The following RNF150 variants were observed in gnomAD, a reference collection of about 807,000 sequenced individuals.
RNF150 encodes ring finger protein 150.
RNF150 carries 24 observed loss-of-function variants against 39.3 expected under a neutral mutation model. The ratio of observed to expected loss-of-function variants is 0.61; its 90% CI spans 0.44 to 0.86. The LOEUF (loss-of-function observed/expected upper bound fraction) is 0.86, where lower values mean the gene tolerates loss of function less well. RNF150 is among the 40% of genes least tolerant of loss of function. RNF150 has a pLI of 0.00. For missense variants in RNF150, 502 were observed against 587.8 expected, an observed-to-expected ratio of 0.85 and a Z score of 1.51; for synonymous variants, 255 against 227.3, an observed-to-expected ratio of 1.12 and a Z score of -1.10.
At chr4:141,003,463 A>C (rs1208979256) in intron 1 of RNF150, among the ~76,000 whole-genome samples, 1 of 152,050 alleles carries the variant, frequency 6.6e-6, no homozygotes, top group Non-Finnish European at 1.5e-5. Flanking sequence ...AAGAACATAA[A>C]TGGCTTCTAC....
intron 1 of RNF150, among the ~76,000 whole-genome samples, chr4:141,089,934 A>C (rs1274359448): frequency 1.3e-5 from 2 of 152,204 alleles, no homozygotes; most frequent in Non-Finnish European, 2.9e-5. Context: ...CATCATATTT[A>C]TAGATGACAA....
chr4:141,047,256 C>G (rs191001894), intron 1 of RNF150, among the ~76,000 whole-genome samples: 1 of 152,202 alleles, frequency 6.6e-6, no homozygotes, highest in East Asian at 1.9e-4. Flanking sequence ...TATGTTAAAA[C>G]GCTATGACAG....
chr4:141,014,305 G>A (rs372885492), intron 1 of RNF150, among the ~76,000 whole-genome samples: 1 of 152,180 alleles, frequency 6.6e-6, no homozygotes, highest in East Asian at 1.9e-4. Context: ...ATGAACATAG[G>A]AGTGCAGATA....
intron 6 of RNF150, among the ~76,000 whole-genome samples, chr4:140,904,588 G>A (rs933823468): frequency 6.6e-6 from 1 of 152,218 alleles, no homozygotes; most frequent in African/African-American, 2.4e-5. Flanking sequence ...TGATCTAAAT[G>A]TATTTATTTC....
intron 1 of RNF150, among the ~76,000 whole-genome samples, chr4:141,033,868 C>A (rs571313511): frequency 5.9e-5 from 9 of 152,152 alleles, no homozygotes; most frequent in Non-Finnish European, 8.8e-5. Context: ...ACAGATACAC[C>A]ATCATCCATG....
intron 1 of RNF150, among the ~76,000 whole-genome samples, chr4:141,008,850 C>T (rs1734962579): frequency 7.7e-6 from 1 of 129,762 alleles, no homozygotes; most frequent in Non-Finnish European, 1.7e-5. Context: ...CTTCCTTCTC[C>T]TTCTTCTTCT....
At chr4:141,145,886 T>C (rs180777147) in intron 1 of RNF150, among the ~76,000 whole-genome samples, 1 of 152,234 alleles carries the variant, frequency 6.6e-6, no homozygotes, top group East Asian at 1.9e-4. Context: ...AGGAGTCAGG[T>C]TGTGTCTCAG....
chr4:141,090,677 T>G lies in RNF150; in HGVS notation c.484+41648A>C, dbSNP rs142245778. 2.0e-5 allele frequency among the ~76,000 whole-genome samples: 3 copies of G among 152,188 alleles called. No homozygotes were observed. The East Asian group carries it at 5.8e-4, about 29-fold the overall frequency. On this transcript the variant is annotated intron_variant, in intron 1 of 6. Transcript: ENST00000515673. Reference sequence around the variant, plus strand: ...TTCATGGCCTCAGATGGCTACAGGGTCTATAAATGTAGGGAGTAAGTCAAG... The same window carrying G: ...TTCATGGCCTCAGATGGCTACAGGGGCTATAAATGTAGGGAGTAAGTCAAG...
intron 1 of RNF150, among the ~76,000 whole-genome samples, chr4:141,107,371 C>T (rs535504718): frequency 3.0e-4 from 46 of 152,306 alleles, no homozygotes; most frequent in African/African-American, 1.0e-3. Context: ...CCTATTATTA[C>T]TATTATTTGC....
At chr4:140,937,863 A>G (rs1024215211) in intron 4 of RNF150, among the ~76,000 whole-genome samples, 1 of 152,190 alleles carries the variant, frequency 6.6e-6, no homozygotes, top group African/African-American at 2.4e-5. Context: ...AGATTGACCA[A>G]TTCATAACAT....
chr4:141,132,863 T>A lies in RNF150; in HGVS notation c.-55A>T. ...CCGCGCCCTCCCTCCGTCCCGTCCC[T>A]CCTCCCCAGCCCCGGCCAACCCCGG... is the stretch of plus-strand genomic sequence containing the variant. On this transcript the variant is annotated 5_prime_UTR_variant, in exon 1 of 7. Coordinates refer to ENST00000515673, the MANE Select transcript of RNF150 (RefSeq NM_020724.2). This position sits in a 1 kb window ranked among gnomAD's most constrained non-coding sequence, Gnocchi z 4.9. 6.9e-7 allele frequency: 1 copy of A among 1,457,910 alleles called. No individual in the cohort carries two copies. Among genetic ancestry groups the A allele is most frequent in the South Asian group, 1.2e-5 (1 of 83,978 alleles). 90.3% of individuals were successfully genotyped at this position (1,457,910 alleles called of 1,614,324 possible).
At chr4:141,056,028 T>G (rs745652262) in intron 1 of RNF150, among the ~76,000 whole-genome samples, 3 of 152,202 alleles carry the variant, frequency 2.0e-5, no homozygotes, top group African/African-American at 4.8e-5. Context: ...GGTGTTCCTC[T>G]CTTTACATCA....
intron 6 of RNF150, among the ~76,000 whole-genome samples, chr4:140,884,115 T>C (rs1434650765): frequency 1.3e-5 from 2 of 152,188 alleles, no homozygotes; most frequent in African/African-American, 4.8e-5. Flanking sequence ...TCTTCAACTC[T>C]TGAATTTCTG....
In RNF150 at chr4:140,860,561, G is replaced by T. The variant is rs1728445617; in HGVS notation, c.*7700C>A. 1 of 152,134 alleles carries T rather than the reference G, an allele frequency of 6.6e-6. No individual in the cohort carries two copies. Among genetic ancestry groups the T allele is most frequent in the African/African-American group, 2.4e-5 (1 of 41,416 alleles). 9.4% of individuals were successfully genotyped at this position (152,134 alleles called of 1,614,324 possible). On this transcript the variant is annotated 3_prime_UTR_variant, in exon 7 of 7. Coordinates refer to ENST00000515673, the MANE Select transcript of RNF150 (RefSeq NM_020724.2). ...AAAGACCTTGTGGGGAAGCTAAGTA[G>T]ACTTTACCCCAACATCAATCATTTT... is the stretch of plus-strand genomic sequence containing the variant.
Position 141,198,004 on chromosome 4 carries a change from G to A in RNF150, c.-6+14790C>T, listed in dbSNP as rs113085867. Among the ~76,000 whole-genome samples the A allele has an allele frequency of 1.8e-3, 272 of 151,184 alleles. 2 individuals are homozygous for A. The highest frequency in any genetic ancestry group is 6.3e-3 in the African/African-American group (260 of 41,192). ...CAATTTGATTGCTTTTATTCACTACGAACTATCTTGCAAAGTATTAGACCA... is the reference window on the plus strand; with the variant it reads ...CAATTTGATTGCTTTTATTCACTACAAACTATCTTGCAAAGTATTAGACCA... On this transcript the variant is annotated intron_variant, in intron 1 of 7. Transcript: ENST00000420921.
intron 4 of RNF150, 95 bp downstream of exon 4, chr4:140,947,558 TG>T: frequency 1.2e-6 from 1 of 811,682 alleles, no homozygotes; most frequent in Non-Finnish European, 2.1e-6. Context: ...CAGACTGACC[TG>T]GCAGCACTAT....
intron 1 of RNF150, among the ~76,000 whole-genome samples, chr4:141,160,151 G>A (rs1234013266): frequency 6.6e-6 from 1 of 152,142 alleles, no homozygotes; most frequent in African/African-American, 2.4e-5. Context: ...GTATTCTGAT[G>A]CATGCTAAAA....
intron 6 of RNF150, among the ~76,000 whole-genome samples, chr4:140,899,332 T>A (rs1310527280): frequency 1.3e-5 from 2 of 152,208 alleles, no homozygotes; most frequent in Non-Finnish European, 2.9e-5. Flanking sequence ...ATGTAAAACC[T>A]TGCCATATTT....
At chr4:141,136,076 CAGA>C (rs1194721984), upstream of RNF150, among the ~76,000 whole-genome samples, 1 of 152,120 alleles carries the variant, frequency 6.6e-6, no homozygotes, top group African/African-American at 2.4e-5. Context: ...CAGAGAAAAA[CAGA>C]AGAACTGATC....
Sources: allele counts gnomAD v4.1 joint callset (sites outside exome capture counted in the v4.1 genomes callset), GRCh38; gene constraint gnomAD v4.1.1; non-coding constraint Gnocchi (gnomAD v3.1); transcripts MANE v1.5; gene names NCBI Gene and HGNC (gene_info 2026-07-23, HGNC 2026-07-21).